ZNF561: variants seen among roughly 807,000 people sequenced by gnomAD.
ZNF561 encodes the protein zinc finger protein 561.
A neutral mutation model predicts 16.7 loss-of-function variants in ZNF561; 16 were observed. That is an observed-to-expected ratio of 0.96 (90% CI 0.65 to 1.45). The LOEUF (loss-of-function observed/expected upper bound fraction) is 1.45. ZNF561 is among the 40% of genes most tolerant of loss of function. The pLI is 0.00. For missense variants in ZNF561, 580 were observed against 578.0 expected (o/e 1.00, Z -0.04); for synonymous variants, 190 against 192.1 (o/e 0.99, Z 0.09).
At position 9,617,117 on chromosome 19, in the gene ZNF561, A is replaced by G. The variant is rs1266236857; in HGVS notation, c.169T>C (p.Leu57=). ...AGGTATTTCTCAGTTGTGTCCAGTAAAGCCCACTCCTCTGGGGTGAAGTCC... is the reference window on the plus strand; with the variant it reads ...AGGTATTTCTCAGTTGTGTCCAGTAGAGCCCACTCCTCTGGGGTGAAGTCC... ...AVDFTPEEWA[L]LDTTEKYLYR... The change falls in exon 4 of 6, where the codon TTA becomes CTA. Residue 57 remains leucine, a synonymous_variant. Transcript: ENST00000302851. 2.5e-6 allele frequency: 4 copies of G among 1,613,838 alleles called. No individual in the cohort carries two copies. In the East Asian group the frequency reaches 8.9e-5, roughly 36 times the overall value.
intron 2 of ZNF561, chr19:9,619,210 T>C (rs368636596): frequency 1.5e-5 from 4 of 262,110 alleles, no homozygotes; most frequent in African/African-American, 6.7e-5. Flanking sequence ...TGAGCTAAGA[T>C]TGCACCACTG....
chr19:9,614,247 G>T, intron 4 of ZNF561, 144 bp from the exon 5 acceptor site: 1 of 939,776 alleles, frequency 1.1e-6, no homozygotes, highest in South Asian at 1.6e-5. Context: ...TCAAAAATTT[G>T]GCTATAATGA....
At chr19:9,613,135 A>C (rs1446710039) in intron 5 of ZNF561, among the ~76,000 whole-genome samples, 1 of 152,146 alleles carries the variant, frequency 6.6e-6, no homozygotes, top group Non-Finnish European at 1.5e-5. Context: ...CTCAATGTCT[A>C]GTTACTTATG....
At chr19:9,611,974 C>T (rs1285865452) in intron 5 of ZNF561, among the ~76,000 whole-genome samples, 1 of 152,148 alleles carries the variant, frequency 6.6e-6, no homozygotes, top group East Asian at 1.9e-4. Flanking sequence ...GTAGCCCAGG[C>T]TGGAGTGCAA....
At chr19:9,618,224 C>T (rs759360527) in intron 2 of ZNF561, 45 bp from the exon 3 acceptor site, 6 of 1,497,126 alleles carry the variant, frequency 4.0e-6, no homozygotes, top group South Asian at 1.2e-5. Context: ...GCTGCCCATC[C>T]TTCCCACATT....
In ZNF561 at chr19:9,610,124, A is replaced by G; in HGVS notation, c.*76T>C. 2 of 1,330,062 alleles carry G rather than the reference A, an allele frequency of 1.5e-6. No individual in the cohort carries two copies. The highest frequency in any genetic ancestry group is 2.5e-5 in the Admixed American group (1 of 40,322). 82.4% of individuals were successfully genotyped at this position (1,330,062 alleles called of 1,614,324 possible). A position where few individuals can be genotyped will look rare whatever the true frequency, so the allele number is the denominator to read the frequency against. ...TAAGGCCAATCCATGAGTCATTACA[A>G]CCTCCAAAAGGCATTTAGGACAAAT... is the stretch of plus-strand genomic sequence containing the variant. On this transcript the variant is annotated 3_prime_UTR_variant, in exon 6 of 6. Transcript: ENST00000302851.
rs747814614 is a variant in ZNF561 at position 9,621,144 on chromosome 19, C to G, written c.-127+18G>C. On this transcript the variant is annotated intron_variant, in intron 1 of 5. Transcript: ENST00000302851. ...CGCCCCCTGCTATCCCCGGGACCGC[C>G]AAGGAGGTGGAACTCACCACAGCCT... is the stretch of plus-strand genomic sequence containing the variant. The G allele has an allele frequency of 3.3e-4, 51 of 152,888 alleles. No individual in the cohort carries two copies. Among genetic ancestry groups the G allele is most frequent in the Non-Finnish European group, 6.7e-4 (46 of 68,246 alleles). The allele number at this position is 152,888 out of a possible 1,614,324, so 9.5% of individuals were successfully genotyped here.
At position 9,609,002 on chromosome 19, in the gene ZNF561, T is replaced by C. The variant is rs2074398534; in HGVS notation, c.*1198A>G. The C allele has an allele frequency of 6.6e-6, 1 of 152,284 alleles. No individual in the cohort carries two copies. The highest frequency in any genetic ancestry group is 2.4e-5 in the African/African-American group (1 of 41,554). The allele number at this position is 152,284 out of a possible 1,614,324, so 9.4% of individuals were successfully genotyped here. Reference sequence around the variant, plus strand: ...CTATGACACCCATGCTGGAGGTTGCTGGTTTACCCGAATGAGGGCAAGGAA... The same window carrying C: ...CTATGACACCCATGCTGGAGGTTGCCGGTTTACCCGAATGAGGGCAAGGAA... On this transcript the variant is annotated 3_prime_UTR_variant, in exon 6 of 6. Coordinates refer to ENST00000302851, the MANE Select transcript of ZNF561 (RefSeq NM_152289.3).
At chr19:9,614,139 G>A (rs751051824) in intron 4 of ZNF561, 36 bp from the exon 5 acceptor site, 19 of 1,606,006 alleles carry the variant, frequency 1.2e-5, no homozygotes, top group Non-Finnish European at 1.6e-5. Context: ...TAAGGATTTA[G>A]AGAAGAAATA....
At chr19:9,614,259 G>C in intron 4 of ZNF561, 156 bp from the exon 5 acceptor site, 1 of 784,828 alleles carries the variant, frequency 1.3e-6, no homozygotes, top group Non-Finnish European at 2.0e-6. Flanking sequence ...CTATAATGAT[G>C]TGGGGTTTAT....
chr19:9,620,112 C>T (rs1355952740), intron 1 of ZNF561, among the ~76,000 whole-genome samples: 4 of 151,898 alleles, frequency 2.6e-5, no homozygotes, highest in Admixed American at 2.6e-4. Flanking sequence ...TATTTTGAGA[C>T]AGAGTCTCAC....
At chr19:9,611,380 T>C (rs777679612) in intron 5 of ZNF561, 44 bp from the exon 6 acceptor site, 3 of 1,548,608 alleles carry the variant, frequency 1.9e-6, no homozygotes, top group Non-Finnish European at 1.7e-6. Context: ...TTCAGACATA[T>C]TAAGAGATTT....
At chr19:9,616,885 C>G (rs548880667) in intron 4 of ZNF561, 160 bp downstream of exon 4, 3 of 969,766 alleles carry the variant, frequency 3.1e-6, no homozygotes, top group Non-Finnish European at 4.3e-6. Flanking sequence ...TGAGCCACTG[C>G]GCCCGGCCTA....
At chr19:9,620,504 G>A (rs996268195) in intron 1 of ZNF561, among the ~76,000 whole-genome samples, 2 of 152,120 alleles carry the variant, frequency 1.3e-5, no homozygotes, top group Non-Finnish European at 2.9e-5. Context: ...GGGATAATAA[G>A]CATAAGCCAC....
rs372303901 is a variant in ZNF561 at position 9,619,434 on chromosome 19, C to T, written c.23G>A (p.Arg8His). ...AAAGAGCATCAACAAAGACTTACCA[C>T]GGGACAAATAAATGGCTGCCATTCT... MAAIYLS[R>H]GFFSREPICP... Residue 8 changes from arginine (R) to histidine (H), a missense_variant and splice_region_variant, in exon 2 of 6, where the codon CGT (arginine) becomes CAT (histidine). Transcript: ENST00000302851. 3.3e-4 allele frequency: 530 copies of T among 1,613,330 alleles called. No homozygotes were observed. Among genetic ancestry groups the T allele is most frequent in the Non-Finnish European group, 4.0e-4 (468 of 1,179,576 alleles).
At position 9,613,270 on chromosome 19, in the gene ZNF561, C is replaced by CT. The variant is rs1451453720; in HGVS notation, c.324+750dup. 2.0e-5 allele frequency among the ~76,000 whole-genome samples: 3 copies of CT among 152,312 alleles called. No homozygotes were observed. In the East Asian group the frequency reaches 5.8e-4, roughly 29 times the overall value. On this transcript the variant is annotated intron_variant, in intron 5 of 5. Coordinates refer to ENST00000302851, the MANE Select transcript of ZNF561 (RefSeq NM_152289.3). The stretch of plus-strand genomic sequence containing the variant: ...TCCCTCAGTGGTGCAGAATTCTTCT[C>CT]TAATTCTCTCAAGTATCTCTCATTT...
In ZNF561 at chr19:9,609,153, CCTTT is replaced by C. The variant is rs2074401267; in HGVS notation, c.*1043_*1046del. 1 of 152,150 alleles carries C rather than the reference CCTTT, an allele frequency of 6.6e-6. No individual in the cohort carries two copies. Among genetic ancestry groups the C allele is most frequent in the Non-Finnish European group, 1.5e-5 (1 of 68,022 alleles). The allele number at this position is 152,150 out of a possible 1,614,324, so 9.4% of individuals were successfully genotyped here. ...TGCAGATAACAAGCCAGAGCCTGTC[CCTTT>C]CTTTCTTGTAAGGAATACTTTTAGC... On this transcript the variant is annotated 3_prime_UTR_variant, in exon 6 of 6. Coordinates refer to ENST00000302851, the MANE Select transcript of ZNF561 (RefSeq NM_152289.3).
chr19:9,608,466 C>T lies in ZNF561; in HGVS notation c.*1734G>A, dbSNP rs1465554484. The T allele has an allele frequency of 6.6e-6, 1 of 152,090 alleles. No homozygotes were observed. 9.4% of individuals were successfully genotyped at this position (152,090 alleles called of 1,614,324 possible). A position where few individuals can be genotyped will look rare whatever the true frequency, so the allele number is the denominator to read the frequency against. ...TGTGAGAATATAAATTTGTTTTTAA[C>T]CTCATTTATTTAAAATTAACAAATT... On this transcript the variant is annotated 3_prime_UTR_variant, in exon 6 of 6. Transcript: ENST00000302851.
At chr19:9,612,962 A>C (rs535705919) in intron 5 of ZNF561, among the ~76,000 whole-genome samples, 13 of 151,878 alleles carry the variant, frequency 8.6e-5, no homozygotes, top group Admixed American at 2.6e-4. Context: ...CGCCCTGCTA[A>C]TTTTTTATTC....
Sources: allele counts gnomAD v4.1 joint callset (sites outside exome capture counted in the v4.1 genomes callset), GRCh38; gene constraint gnomAD v4.1.1; transcripts MANE v1.5; gene names NCBI Gene and HGNC (gene_info 2026-07-23, HGNC 2026-07-21).